The following CAP1 variants were observed in gnomAD, a reference collection of about 807,000 sequenced individuals.
The protein encoded by CAP1 is cyclase associated actin cytoskeleton regulatory protein 1, also known as adenylyl cyclase-associated protein 1.
CAP1 carries 11 observed loss-of-function variants against 58.2 expected under a neutral mutation model. That is an observed-to-expected ratio of 0.19 (90% CI 0.12 to 0.31). The LOEUF (loss-of-function observed/expected upper bound fraction) is 0.31. Among genes scored for constraint, CAP1 ranks in the 10% least tolerant of loss-of-function variants. The pLI is 1.00. For synonymous variants in CAP1, 183 were observed against 213.8 expected (o/e 0.86, Z 1.26); for missense variants, 423 against 587.5 (o/e 0.72, Z 2.89).
intron 7 of CAP1, 70 bp downstream of exon 7, chr1:40,066,390 C>A (rs1647085441): frequency 6.9e-6 from 5 of 725,930 alleles, no homozygotes; most frequent in Non-Finnish European, 1.2e-5. Flanking sequence ...CCACAGGTTT[C>A]TTAGACTTCA....
chr1:40,055,828 G>A, intron 1 of CAP1, among the ~76,000 whole-genome samples: 1 of 152,278 alleles, frequency 6.6e-6, no homozygotes, highest in South Asian at 2.1e-4. Context: ...ACTCTTATCA[G>A]TCAGGATGGA....
In CAP1 at chr1:40,059,602, A is replaced by C. The variant is rs1037623884; in HGVS notation, c.112+144A>C. 7 of 586,106 alleles carry C rather than the reference A, an allele frequency of 1.2e-5. No individual in the cohort carries two copies. The African/African-American group carries it at 1.3e-4, about 11-fold the overall frequency. 36.3% of individuals were successfully genotyped at this position (586,106 alleles called of 1,614,324 possible). A position where few individuals can be genotyped will look rare whatever the true frequency, so the allele number is the denominator to read the frequency against. On this transcript the variant is annotated intron_variant, in intron 2 of 12. Coordinates refer to ENST00000372805, the MANE Select transcript of CAP1 (RefSeq NM_006367.4). ...TAATTTGTATTGCTGTGAACAGATA[A>C]GAGAGGAAATGACTTGTACAGGGAG...
At chr1:40,045,870 CAG>C (rs549341463) in intron 1 of CAP1, among the ~76,000 whole-genome samples, 5 of 151,984 alleles carry the variant, frequency 3.3e-5, no homozygotes, top group Non-Finnish European at 2.9e-5. Context: ...TGATTTTTTT[CAG>C]AGACAGGGTC....
chr1:40,063,374 C>T (rs1646940578), intron 4 of CAP1, among the ~76,000 whole-genome samples: 1 of 151,850 alleles, frequency 6.6e-6, no homozygotes, highest in Admixed American at 6.6e-5. Context: ...ATGGGGTTTC[C>T]CCATGTTGCC....
At chr1:40,065,193 C>T (rs1647018977) in intron 6 of CAP1, among the ~76,000 whole-genome samples, 2 of 152,108 alleles carry the variant, frequency 1.3e-5, no homozygotes, top group African/African-American at 4.8e-5. Context: ...GTTACTGGCC[C>T]AATGGCAAAG....
chr1:40,046,934 A>T (rs748568645), intron 1 of CAP1, among the ~76,000 whole-genome samples: 1 of 152,010 alleles, frequency 6.6e-6, no homozygotes, highest in Non-Finnish European at 1.5e-5. Context: ...CACCACGCCC[A>T]GCTAATTTTT....
At chr1:40,043,266 C>T (rs944021345) in intron 1 of CAP1, among the ~76,000 whole-genome samples, 4 of 152,100 alleles carry the variant, frequency 2.6e-5, no homozygotes, top group East Asian at 3.9e-4. Context: ...GGCACAATCT[C>T]GGGTCACTGA....
At chr1:40,051,149 T>C (rs910246811) in intron 1 of CAP1, among the ~76,000 whole-genome samples, 2 of 152,208 alleles carry the variant, frequency 1.3e-5, no homozygotes, top group Admixed American at 1.3e-4. Flanking sequence ...TGTAGTAATT[T>C]ATGTAATTCA....
intron 1 of CAP1, among the ~76,000 whole-genome samples, chr1:40,054,740 C>G (rs1257992163): frequency 6.6e-6 from 1 of 152,194 alleles, no homozygotes; most frequent in Non-Finnish European, 1.5e-5. Context: ...TTCCCAGGTT[C>G]AAGCCATTCT....
chr1:40,070,572 G>T (rs1647722086), intron 11 of CAP1, 60 bp downstream of exon 11: 4 of 1,317,058 alleles, frequency 3.0e-6, no homozygotes, highest in Non-Finnish European at 4.4e-6. Context: ...AAGAGACATG[G>T]TAGACCCACA....
chr1:40,051,057 T>G (rs991766357), intron 1 of CAP1, among the ~76,000 whole-genome samples: 1 of 152,164 alleles, frequency 6.6e-6, no homozygotes, highest in Non-Finnish European at 1.5e-5. Flanking sequence ...CTTTTTTCTC[T>G]TGCCTCTTCA....
rs764757371 is a variant in CAP1 at position 40,059,344 on chromosome 1, A to G, written c.-3A>G. 1 of 1,594,346 alleles carries G rather than the reference A, an allele frequency of 6.3e-7. No homozygotes were observed. Among genetic ancestry groups the G allele is most frequent in the South Asian group, 1.1e-5 (1 of 90,694 alleles). On this transcript the variant is annotated 5_prime_UTR_variant, in exon 2 of 13. Transcript: ENST00000372805. ...TTTGATCTGTTTCAGCAGGTGGTCC[A>G]TTATGGCTGACATGCAAAATCTGGT... is the stretch of plus-strand genomic sequence containing the variant.
chr1:40,062,773 TTGTGTG>T (rs1169359200), intron 4 of CAP1, among the ~76,000 whole-genome samples: 7 of 145,526 alleles, frequency 4.8e-5, no homozygotes, highest in African/African-American at 1.5e-4. Context: ...TCAAAAAACA[TTGTGTG>T]TGTGTGTGTG....
At chr1:40,049,943 A>G (rs1646279612) in intron 1 of CAP1, among the ~76,000 whole-genome samples, 1 of 152,188 alleles carries the variant, frequency 6.6e-6, no homozygotes, top group Admixed American at 6.5e-5. Flanking sequence ...CTTGTTTCAT[A>G]TGACCTCCTA....
At chr1:40,057,960 C>T (rs1646686885) in intron 1 of CAP1, among the ~76,000 whole-genome samples, 1 of 152,034 alleles carries the variant, frequency 6.6e-6, no homozygotes, top group Non-Finnish European at 1.5e-5. Context: ...CTTTTAGCAC[C>T]CTTATCCCTC....
At chr1:40,068,602 T>C (rs1647232393) in intron 8 of CAP1, among the ~76,000 whole-genome samples, 1 of 151,768 alleles carries the variant, frequency 6.6e-6, no homozygotes, top group African/African-American at 2.4e-5. Context: ...TGTGCCACCA[T>C]TACATGTTTT....
intron 1 of CAP1, among the ~76,000 whole-genome samples, chr1:40,048,308 G>A (rs569881252): frequency 6.6e-6 from 1 of 151,996 alleles, no homozygotes; most frequent in East Asian, 1.9e-4. Flanking sequence ...CTCCCAAAGC[G>A]CTGGGATTAC....
At chr1:40,071,339 T>A in intron 12 of CAP1, 111 bp from the exon 13 acceptor site, 1 of 732,052 alleles carries the variant, frequency 1.4e-6, no homozygotes, top group Non-Finnish European at 2.4e-6. Context: ...TGCTACATTG[T>A]ACCGTGCTCC....
chr1:40,059,547 CA>C (rs1437539667), intron 2 of CAP1, 89 bp downstream of exon 2: 1 of 744,798 alleles, frequency 1.3e-6, no homozygotes, highest in African/African-American at 1.8e-5. Flanking sequence ...GCTAACTTCC[CA>C]AAACTTAATC....
Sources: gnomAD v4.1 joint callset for allele counts (sites outside exome capture counted in the v4.1 genomes callset) on GRCh38, gnomAD v4.1.1 for gene constraint, MANE v1.5 for transcripts, NCBI Gene and HGNC (gene_info 2026-07-23, HGNC 2026-07-21) for gene names.